The following TRIM51 variants were observed in gnomAD, a reference collection of about 807,000 sequenced individuals.
TRIM51 encodes the protein tripartite motif-containing 51.
A neutral mutation model predicts 32.7 loss-of-function variants in TRIM51; 23 were observed. That is an observed-to-expected ratio of 0.70 (90% CI 0.51 to 1.00). TRIM51 has a LOEUF of 1.00. Among genes scored for constraint, TRIM51 ranks in the 50% least tolerant of loss-of-function variants. The probability of loss-of-function intolerance (pLI) is 0.00; values close to 1 mark genes in which losing one functional copy is unlikely to be tolerated. For synonymous variants in TRIM51, 177 were observed against 181.9 expected (o/e 0.97, Z 0.22); for missense variants, 592 against 539.2 (o/e 1.10, Z -0.97).
rs928065958 is a variant in TRIM51 at position 55,891,186 on chromosome 11, G to T, written c.913G>T (p.Asp305Tyr). 1.2e-6 allele frequency: 2 copies of T among 1,602,600 alleles called. No homozygotes were observed. Among genetic ancestry groups the T allele is most frequent in the African/African-American group, 1.3e-5 (1 of 74,896 alleles). ...CAATAGTCATATCTTCCTGTGTGGA[G>T]ATTTGAGAAGCATGAATGTTGGATG... is the stretch of plus-strand genomic sequence containing the variant. Reference protein sequence around the residue: ...RANSHIFLCGDLRSMNVGCDP... With the variant: ...RANSHIFLCGYLRSMNVGCDP... The change falls in exon 7 of 7, where the codon GAT (aspartate) becomes TAT (tyrosine). Residue 305 changes from aspartate (D) to tyrosine (Y), a missense_variant. Asp to Tyr is a radical substitution (Grantham distance 160, BLOSUM62 -3). Transcript: ENST00000449290.
At chr11:55,889,819 A>C (rs1459603317) in intron 5 of TRIM51, 123 bp from the exon 6 acceptor site, 1 of 678,504 alleles carries the variant, frequency 1.5e-6, no homozygotes, top group African/African-American at 1.8e-5. Context: ...TAAAATGATA[A>C]TTTTGGAATT....
At chr11:55,884,906 C>CT (rs537033786) in intron 1 of TRIM51, among the ~76,000 whole-genome samples, 176 of 144,488 alleles carry the variant, frequency 1.2e-3, no homozygotes, top group South Asian at 4.9e-3. Context: ...TAATTGCTGT[C>CT]TTTTTTTTTT....
rs1470971539 is a variant in TRIM51 at position 55,891,477 on chromosome 11, G to A, written c.1204G>A (p.Val402Ile). 4 of 1,613,378 alleles carry A rather than the reference G, an allele frequency of 2.5e-6. No homozygotes were observed. The highest frequency in any genetic ancestry group is 3.4e-6 in the Non-Finnish European group (4 of 1,179,752). ...FTTSPLVVQY[V>I]PRPTSTVGLF... ...CACCTCCCCACTTGTGGTGCAATAT[G>A]TTCCAAGACCTACCAGCACAGTAGG... The change falls in exon 7 of 7, where the codon GTT (valine) becomes ATT (isoleucine). Residue 402 changes from valine to isoleucine, a missense_variant. Transcript: ENST00000449290.
chr11:55,890,841 A>G (rs954288519), intron 6 of TRIM51, among the ~76,000 whole-genome samples: 1 of 152,230 alleles, frequency 6.6e-6, no homozygotes, highest in African/African-American at 2.4e-5. Context: ...CATTCAGGGC[A>G]TAAAATAATT....
At position 55,891,763 on chromosome 11, in the gene TRIM51, C is replaced by T. The variant is rs911002072; in HGVS notation, c.*131C>T. 1 of 1,003,774 alleles carries T rather than the reference C, an allele frequency of 1.0e-6. No individual in the cohort carries two copies. Among genetic ancestry groups the T allele is most frequent in the Non-Finnish European group, 1.5e-6 (1 of 681,638 alleles). The allele number at this position is 1,003,774 out of a possible 1,614,324, so 62.2% of individuals were successfully genotyped here. ...GTCTTTAGTTGCATTCTAATGTCAT[C>T]AAAACTCATTTATAGTGTTTCTATT... On this transcript the variant is annotated 3_prime_UTR_variant, in exon 7 of 7. Transcript: ENST00000449290.
At position 55,886,644 on chromosome 11, in the gene TRIM51, G is replaced by A. The variant is rs551079966; in HGVS notation, c.507+426G>A. 4.6e-5 allele frequency among the ~76,000 whole-genome samples: 7 copies of A among 152,270 alleles called. No homozygotes were observed. The South Asian group carries it at 1.5e-3, about 32-fold the overall frequency. On this transcript the variant is annotated intron_variant, in intron 3 of 6. Transcript: ENST00000449290. The stretch of plus-strand genomic sequence containing the variant: ...TGAAATGTGAGCTAAATTTCAGGCA[G>A]AAGGAGCAAGAGCACAACCTTAGAG...
intron 3 of TRIM51, among the ~76,000 whole-genome samples, chr11:55,887,796 T>C (rs1486725915): frequency 1.3e-5 from 2 of 152,140 alleles, no homozygotes; most frequent in Non-Finnish European, 2.9e-5. Context: ...GGAAATCCAT[T>C]TTTATATAAC....
At chr11:55,888,319 T>A in intron 4 of TRIM51, 57 bp downstream of exon 4, 1 of 1,312,730 alleles carries the variant, frequency 7.6e-7, no homozygotes, top group East Asian at 2.3e-5. Flanking sequence ...TGGGTGTTTT[T>A]CCTCTCTCCT....
rs1854535043 is a variant in TRIM51, at chr11:55,883,364, A to G, written c.-25A>G. 1 of 152,196 alleles carries G rather than the reference A, an allele frequency of 6.6e-6. No homozygotes were observed. The highest frequency in any genetic ancestry group is 6.5e-5 in the Admixed American group (1 of 15,274). The allele number at this position is 152,196 out of a possible 1,614,324, so 9.4% of individuals were successfully genotyped here. On this transcript the variant is annotated 5_prime_UTR_variant, in exon 1 of 7. Coordinates refer to ENST00000449290, the MANE Select transcript of TRIM51 (RefSeq NM_032681.4). The stretch of plus-strand genomic sequence containing the variant: ...TTTTTCTTGGAAGAATTACTGCAGG[A>G]AACATTCATAGAACCTTGGGGTGAG...
chr11:55,889,806 A>C, intron 5 of TRIM51, 136 bp from the exon 6 acceptor site: 1 of 656,524 alleles, frequency 1.5e-6, no homozygotes, highest in Admixed American at 2.7e-5. Context: ...TGGATTTGAA[A>C]AATAAAATGA....
At chr11:55,883,575 T>C (rs1418062835) in intron 1 of TRIM51, among the ~76,000 whole-genome samples, 191 bp downstream of exon 1, 4 of 152,204 alleles carry the variant, frequency 2.6e-5, no homozygotes, top group Non-Finnish European at 5.9e-5. Context: ...CAAAAGTGTT[T>C]GATATATTTT....
intron 1 of TRIM51, among the ~76,000 whole-genome samples, chr11:55,884,232 C>T (rs1854547670): frequency 7.2e-6 from 1 of 138,362 alleles, no homozygotes; most frequent in Non-Finnish European, 1.5e-5. Flanking sequence ...TATCGTATAC[C>T]ATACAGGTTT....
At chr11:55,887,434 T>C (rs1453985638) in intron 3 of TRIM51, among the ~76,000 whole-genome samples, 28 of 151,624 alleles carry the variant, frequency 1.8e-4, no homozygotes, top group Admixed American at 1.8e-3. Context: ...ATATGAGAAA[T>C]ATGTATATAT....
At chr11:55,884,182 T>TATATATATATATATACAC (rs1458218535) in intron 1 of TRIM51, among the ~76,000 whole-genome samples, 31 of 110,268 alleles carry the variant, frequency 2.8e-4, no homozygotes, top group African/African-American at 1.1e-3. Context: ...TATATATATA[T>TATATATATATATATACAC]ACACATACCA....
rs1395357520 is a variant in TRIM51 at position 55,886,226 on chromosome 11, C to T, written c.507+8C>T. 6.2e-6 allele frequency: 10 copies of T among 1,606,840 alleles called. No individual in the cohort carries two copies. The highest frequency in any genetic ancestry group is 5.0e-5 in the Admixed American group (3 of 59,908). On this transcript the variant is annotated splice_region_variant and intron_variant, in intron 3 of 6. Coordinates refer to ENST00000449290, the MANE Select transcript of TRIM51 (RefSeq NM_032681.4). The stretch of plus-strand genomic sequence containing the variant: ...AGAACCAGATGCTGGAAGGTTAGTA[C>T]CGTATGACTCTACCTTCTCCGGGAA...
rs553063060 is a variant in TRIM51, at chr11:55,884,237, A to G, written c.-5+853A>G. Reference sequence around the variant, plus strand: ...TACAATTGCCTATCGTATACCATACAGGTTTGTAGCCTAGGAACAATATGC... The same window carrying G: ...TACAATTGCCTATCGTATACCATACGGGTTTGTAGCCTAGGAACAATATGC... On this transcript the variant is annotated intron_variant, in intron 1 of 6. Transcript: ENST00000449290. 2.6e-4 allele frequency among the ~76,000 whole-genome samples: 38 copies of G among 145,724 alleles called. No individual in the cohort carries two copies. In the East Asian group the frequency reaches 7.7e-3, roughly 29 times the overall value.
intron 4 of TRIM51, among the ~76,000 whole-genome samples, chr11:55,888,608 G>T (rs983509294): frequency 5.3e-5 from 8 of 152,274 alleles, no homozygotes; most frequent in Non-Finnish European, 8.8e-5. Flanking sequence ...TGGAGACATG[G>T]CATGATGGAG....
intron 3 of TRIM51, 55 bp downstream of exon 3, chr11:55,886,273 A>T: frequency 7.3e-7 from 1 of 1,368,030 alleles, no homozygotes; most frequent in East Asian, 2.3e-5. Context: ...CAAATGGGTG[A>T]CTCTTAAAAT....
At chr11:55,891,099 A>G (rs1215087400) in intron 6 of TRIM51, 34 bp from the exon 7 acceptor site, 2 of 1,495,462 alleles carry the variant, frequency 1.3e-6, no homozygotes, top group Admixed American at 1.8e-5. Context: ...TATTAATTAC[A>G]TGTATCTATA....
Sources: allele counts gnomAD v4.1 joint callset (sites outside exome capture counted in the v4.1 genomes callset), GRCh38; gene constraint gnomAD v4.1.1; transcripts MANE v1.5; gene names NCBI Gene and HGNC (gene_info 2026-07-23, HGNC 2026-07-21).